The following ST6GAL1 variants were observed in gnomAD, a reference collection of about 807,000 sequenced individuals.
ST6GAL1 encodes ST6 beta-galactoside alpha-2,6-sialyltransferase 1.
A neutral mutation model predicts 38.0 loss-of-function variants in ST6GAL1; 20 were observed. The ratio of observed to expected loss-of-function variants is 0.53; its 90% CI spans 0.37 to 0.77. The LOEUF is 0.77. ST6GAL1 is among the 30% of genes least tolerant of loss of function. The pLI is 0.00. For missense variants in ST6GAL1, 432 were observed against 496.4 expected (o/e 0.87, Z 1.23); for synonymous variants, 196 against 188.2 (o/e 1.04, Z -0.34).
At chr3:186,989,494 A>T (rs1049017359) in intron 2 of ST6GAL1, among the ~76,000 whole-genome samples, 1 of 152,196 alleles carries the variant, frequency 6.6e-6, no homozygotes, top group Non-Finnish European at 1.5e-5. Context: ...ATTTTTATTC[A>T]TCAGATAGAG....
chr3:187,034,201 A>C (rs1156300942), intron 2 of ST6GAL1, among the ~76,000 whole-genome samples: 2 of 152,172 alleles, frequency 1.3e-5, no homozygotes. Flanking sequence ...TTCAAGATTG[A>C]ATCAGGAAGA....
chr3:187,018,826 T>C (rs572943642), intron 2 of ST6GAL1, among the ~76,000 whole-genome samples: 17 of 152,208 alleles, frequency 1.1e-4, no homozygotes, highest in Non-Finnish European at 2.1e-4. Flanking sequence ...TGTCTATGGC[T>C]GTAATCACAA....
chr3:186,946,208 G>T (rs1286078890), intron 1 of ST6GAL1, among the ~76,000 whole-genome samples: 1 of 151,892 alleles, frequency 6.6e-6, no homozygotes, highest in East Asian at 1.9e-4. Context: ...GCTGCTCGGT[G>T]GGGCTGAGGC....
intron 1 of ST6GAL1, among the ~76,000 whole-genome samples, chr3:186,940,107 C>T (rs562177775): frequency 2.0e-5 from 3 of 152,214 alleles, no homozygotes; most frequent in Non-Finnish European, 4.4e-5. Context: ...TGGACTGTGA[C>T]TTGTGGTCTC....
intron 2 of ST6GAL1, among the ~76,000 whole-genome samples, chr3:187,004,513 C>G (rs58037019): frequency 0.072 from 10,992 of 152,210 alleles, 623 homozygotes; most frequent in African/African-American, 0.15. Flanking sequence ...TGCTTGTAGC[C>G]TCCATAGGCA....
chr3:186,942,007 G>A (rs1293202886), intron 1 of ST6GAL1, among the ~76,000 whole-genome samples: 9 of 148,658 alleles, frequency 6.1e-5, no homozygotes, highest in African/African-American at 5.1e-5. Context: ...GCAAGACTCC[G>A]TCTCAAAAAA....
intron 1 of ST6GAL1, among the ~76,000 whole-genome samples, chr3:186,954,144 C>T (rs775801795): frequency 2.0e-5 from 3 of 152,140 alleles, no homozygotes; most frequent in Non-Finnish European, 4.4e-5. Context: ...ATCCATGTCC[C>T]TGCAAAGGAC....
chr3:186,932,731 G>T (rs575438286), intron 1 of ST6GAL1, among the ~76,000 whole-genome samples: 1 of 147,834 alleles, frequency 6.8e-6, no homozygotes, highest in African/African-American at 2.5e-5. Context: ...GGAGAACAAA[G>T]CATTGTTTTC....
chr3:187,027,325 C>T (rs1354966549), intron 2 of ST6GAL1, among the ~76,000 whole-genome samples: 1 of 152,294 alleles, frequency 6.6e-6, no homozygotes, highest in Admixed American at 6.5e-5. Context: ...TTCTCAGCGA[C>T]CTGTTTCTCA....
chr3:186,992,352 G>A (rs1373523826), intron 2 of ST6GAL1, among the ~76,000 whole-genome samples: 1 of 152,088 alleles, frequency 6.6e-6, no homozygotes, highest in Non-Finnish European at 1.5e-5. Context: ...CACCATGATT[G>A]TAAGTTTCCT....
At chr3:186,939,639 C>T (rs1714092027) in intron 1 of ST6GAL1, among the ~76,000 whole-genome samples, 1 of 152,346 alleles carries the variant, frequency 6.6e-6, no homozygotes, top group South Asian at 2.1e-4. Flanking sequence ...CAGACTCGAG[C>T]CCAGCCTTCC....
chr3:187,076,422 C>T lies in ST6GAL1; in HGVS notation c.*619C>T, dbSNP rs1200767754. The T allele has an allele frequency of 1.9e-5, 3 of 161,452 alleles. No individual in the cohort carries two copies. The highest frequency in any genetic ancestry group is 4.0e-5 in the Non-Finnish European group (3 of 74,926). The allele number at this position is 161,452 out of a possible 1,614,324, so 10.0% of individuals were successfully genotyped here. On this transcript the variant is annotated 3_prime_UTR_variant, in exon 8 of 8. Transcript: ENST00000169298. ...TATGATTAAAGGGTCTTGGTTAGCCCACTTTCCCTCTCCATGTGGAGATGG... is the reference window on the plus strand; with the variant it reads ...TATGATTAAAGGGTCTTGGTTAGCCTACTTTCCCTCTCCATGTGGAGATGG...
chr3:186,971,193 A>G (rs977279706), intron 2 of ST6GAL1, among the ~76,000 whole-genome samples: 1 of 152,180 alleles, frequency 6.6e-6, no homozygotes, highest in African/African-American at 2.4e-5. Flanking sequence ...GGTTCAAGCG[A>G]TTCTTCTGCC....
At chr3:187,062,515 C>G (rs966240422) in intron 5 of ST6GAL1, among the ~76,000 whole-genome samples, 6 of 148,366 alleles carry the variant, frequency 4.0e-5, no homozygotes, top group African/African-American at 1.2e-4. Context: ...AAGAAAATAC[C>G]GAGATTGGCT....
chr3:186,970,614 T>C lies in ST6GAL1; in HGVS notation c.-183+6688T>C, dbSNP rs576501693. 5.9e-5 allele frequency among the ~76,000 whole-genome samples: 9 copies of C among 152,214 alleles called. 1 individual carries two copies. The South Asian group carries it at 1.9e-3, about 32-fold the overall frequency. On this transcript the variant is annotated intron_variant, in intron 2 of 7. Transcript: ENST00000169298. ...CACCTCTGTTTTTCACTTCTATAAT[T>C]TTGCCTTTGGAGAATATTCTCTAAA...
At chr3:187,003,344 T>A (rs1034238240) in intron 2 of ST6GAL1, among the ~76,000 whole-genome samples, 1 of 152,236 alleles carries the variant, frequency 6.6e-6, no homozygotes, top group African/African-American at 2.4e-5. Context: ...GTACTCAGCC[T>A]GCTGATTCCA....
chr3:187,052,361 A>G (rs1718545385), intron 5 of ST6GAL1, among the ~76,000 whole-genome samples: 2 of 152,130 alleles, frequency 1.3e-5, no homozygotes, highest in Non-Finnish European at 2.9e-5. Flanking sequence ...GATTTGTTAC[A>G]TAGATATACA....
chr3:187,071,476 G>T (rs924015603), intron 5 of ST6GAL1, among the ~76,000 whole-genome samples: 1 of 151,328 alleles, frequency 6.6e-6, no homozygotes. Flanking sequence ...CCGGCCGGGC[G>T]CGGTGGCTCA....
At chr3:187,035,005 A>C (rs1717880307) in intron 2 of ST6GAL1, among the ~76,000 whole-genome samples, 1 of 152,212 alleles carries the variant, frequency 6.6e-6, no homozygotes, top group South Asian at 2.1e-4. Context: ...AGAAAACTAT[A>C]AAGACACTGC....
Sources: allele counts gnomAD v4.1 joint callset (sites outside exome capture counted in the v4.1 genomes callset), GRCh38; gene constraint gnomAD v4.1.1; transcripts MANE v1.5; gene names NCBI Gene and HGNC (gene_info 2026-07-23, HGNC 2026-07-21).